The following ZMAT4 variants were observed in gnomAD, a reference collection of about 807,000 sequenced individuals.
ZMAT4 encodes the protein zinc finger matrin-type 4, also known as zinc finger matrin-type protein 4.
A neutral mutation model predicts 28.7 loss-of-function variants in ZMAT4; 17 were observed. That is an observed-to-expected ratio of 0.59 (90% CI 0.41 to 0.89). The LOEUF is 0.89. Ranked by LOEUF, ZMAT4 falls within the 40% of genes least tolerant of loss-of-function variation. ZMAT4 has a pLI of 0.00. For synonymous variants in ZMAT4, 117 were observed against 109.2 expected (o/e 1.07, Z -0.44); for missense variants, 240 against 283.8 (o/e 0.85, Z 1.11).
chr8:40,877,360 G>A (rs770080464), intron 1 of ZMAT4, among the ~76,000 whole-genome samples: 57 of 152,110 alleles, frequency 3.7e-4, no homozygotes, highest in Non-Finnish European at 7.2e-4. Context: ...AATAGTTAAC[G>A]ATCCTCTGTG....
At chr8:40,690,982 T>C in intron 4 of ZMAT4, 2 of 954,940 alleles carry the variant, frequency 2.1e-6, no homozygotes, top group Non-Finnish European at 2.5e-6. Context: ...AGTGTATAAA[T>C]ATCTGTCTTT....
At chr8:40,793,193 G>C (rs1041596117) in intron 2 of ZMAT4, among the ~76,000 whole-genome samples, 8 of 152,148 alleles carry the variant, frequency 5.3e-5, no homozygotes, top group African/African-American at 1.9e-4. Context: ...GTGGTGAGAG[G>C]GGGGTACATG....
chr8:40,748,691 G>A (rs540926278), intron 3 of ZMAT4, among the ~76,000 whole-genome samples: 4 of 152,260 alleles, frequency 2.6e-5, no homozygotes, highest in African/African-American at 9.6e-5. Context: ...ATTGAACACA[G>A]TAATATTTTC....
intron 2 of ZMAT4, among the ~76,000 whole-genome samples, chr8:40,772,874 G>C (rs1459899203): frequency 6.6e-6 from 1 of 152,178 alleles, no homozygotes; most frequent in Non-Finnish European, 1.5e-5. Flanking sequence ...AATAGGGAAG[G>C]GACAGCAAAC....
chr8:40,630,628 A>C (rs985750702), intron 5 of ZMAT4, among the ~76,000 whole-genome samples: 1 of 152,214 alleles, frequency 6.6e-6, no homozygotes, highest in Admixed American at 6.5e-5. Flanking sequence ...TATGTACACA[A>C]ACGAAAAGAT....
At chr8:40,765,499 T>C (rs750838016) in intron 3 of ZMAT4, among the ~76,000 whole-genome samples, 1 of 152,206 alleles carries the variant, frequency 6.6e-6, no homozygotes, top group East Asian at 1.9e-4. Context: ...CAATAAATTA[T>C]AGAAAAATGA....
At chr8:40,732,510 C>T (rs1280924072) in intron 3 of ZMAT4, among the ~76,000 whole-genome samples, 1 of 152,248 alleles carries the variant, frequency 6.6e-6, no homozygotes, top group Admixed American at 6.5e-5. Context: ...AGCCATTGGG[C>T]TGGATTCATA....
At chr8:40,639,304 G>A (rs779401057) in intron 5 of ZMAT4, among the ~76,000 whole-genome samples, 3 of 152,062 alleles carry the variant, frequency 2.0e-5, no homozygotes, top group Non-Finnish European at 4.4e-5. Context: ...GTTTCCCAGG[G>A]GTTTTTGAAT....
At chr8:40,786,727 T>G (rs756125682) in intron 2 of ZMAT4, 2 of 1,289,382 alleles carry the variant, frequency 1.6e-6, no homozygotes, top group South Asian at 2.5e-5. Flanking sequence ...CAGTGTGACA[T>G]CTTCTTTTGG....
chr8:40,863,211 G>A (rs1817565619), intron 1 of ZMAT4, among the ~76,000 whole-genome samples: 1 of 152,066 alleles, frequency 6.6e-6, no homozygotes. Context: ...CCTCAGAAGA[G>A]CTTTAAGTAG....
chr8:40,735,762 C>T (rs1233609841), intron 3 of ZMAT4, among the ~76,000 whole-genome samples: 1 of 152,158 alleles, frequency 6.6e-6, no homozygotes, highest in African/African-American at 2.4e-5. Context: ...TATTAAGACA[C>T]TGTAAACAAA....
intron 5 of ZMAT4, among the ~76,000 whole-genome samples, chr8:40,588,399 A>G (rs1361303445): frequency 6.6e-6 from 1 of 152,104 alleles, no homozygotes; most frequent in Admixed American, 6.5e-5. Context: ...TTGTATCCAG[A>G]ATATATAATT....
At chr8:40,571,141 A>T (rs187202016) in intron 6 of ZMAT4, among the ~76,000 whole-genome samples, 1 of 152,194 alleles carries the variant, frequency 6.6e-6, no homozygotes, top group African/African-American at 2.4e-5. Flanking sequence ...TGAATGAGCT[A>T]AACAATATTA....
In ZMAT4 at chr8:40,773,520, C is replaced by A. The variant is rs932563051; in HGVS notation, c.103-5790G>T. ...ATTGGTGGCATCTATAAAAAAAAAA[C>A]TGTGAAAAAAATATGAAAGAAGGTT... On this transcript the variant is annotated intron_variant, in intron 2 of 6. Coordinates refer to ENST00000297737, the MANE Select transcript of ZMAT4 (RefSeq NM_024645.3). 3.7e-4 allele frequency among the ~76,000 whole-genome samples: 52 copies of A among 140,804 alleles called. 1 individual carries two copies. The highest frequency in any genetic ancestry group is 1.2e-3 in the African/African-American group (47 of 38,842). 92.4% of individuals were successfully genotyped at this position (140,804 alleles called of 152,430 possible).
intron 3 of ZMAT4, among the ~76,000 whole-genome samples, chr8:40,724,411 C>G (rs1382663688): frequency 6.6e-6 from 1 of 152,206 alleles, no homozygotes; most frequent in Non-Finnish European, 1.5e-5. Context: ...GACAGCCTTG[C>G]AAAGAACGTT....
At chr8:40,540,716 C>T (rs1251518474) in intron 6 of ZMAT4, among the ~76,000 whole-genome samples, 1 of 152,200 alleles carries the variant, frequency 6.6e-6, no homozygotes, top group Non-Finnish European at 1.5e-5. Flanking sequence ...TGAGGGCGGT[C>T]TTGCTGAAGT....
At chr8:40,830,420 G>C (rs1452163884) in intron 1 of ZMAT4, among the ~76,000 whole-genome samples, 4 of 152,130 alleles carry the variant, frequency 2.6e-5, no homozygotes, top group Non-Finnish European at 4.4e-5. Context: ...TTATAAGTGA[G>C]AGCATGCAAT....
intron 1 of ZMAT4, among the ~76,000 whole-genome samples, chr8:40,876,815 G>T (rs915915554): frequency 1.3e-5 from 2 of 152,152 alleles, no homozygotes; most frequent in Admixed American, 6.5e-5. Context: ...CTGTGCAAGG[G>T]GTTGGCACCC....
intron 1 of ZMAT4, among the ~76,000 whole-genome samples, chr8:40,879,267 T>C (rs1405508813): frequency 6.6e-6 from 1 of 151,892 alleles, no homozygotes; most frequent in Non-Finnish European, 1.5e-5. Flanking sequence ...ACAAAAAATT[T>C]AAAAAATTAG....
Sources: gnomAD v4.1 joint callset for allele counts (sites outside exome capture counted in the v4.1 genomes callset) on GRCh38, gnomAD v4.1.1 for gene constraint, MANE v1.5 for transcripts, NCBI Gene and HGNC (gene_info 2026-07-23, HGNC 2026-07-21) for gene names.